PPP2R3B: variants seen among roughly 807,000 people sequenced by gnomAD.
The protein encoded by PPP2R3B is protein phosphatase 2 regulatory subunit B''beta.
In PPP2R3B, 68 loss-of-function variants were observed where a neutral mutation model predicts 72.9. The ratio of observed to expected loss-of-function variants is 0.93; its 90% CI spans 0.77 to 1.14. The LOEUF is 1.14. Ranked by LOEUF, PPP2R3B falls within the 50% of genes most tolerant of loss-of-function variation. The pLI is 0.00. For synonymous variants in PPP2R3B, 466 were observed against 375.8 expected (o/e 1.24, Z -2.78); for missense variants, 1,018 against 842.0 (o/e 1.21, Z -2.59).
At chrX:360,782 C>T (rs2071522215) in intron 2 of PPP2R3B, among the ~76,000 whole-genome samples, 1 of 152,234 alleles carries the variant, frequency 6.6e-6, no homozygotes, top group Non-Finnish European at 1.5e-5. Flanking sequence ...GGGGTCCAGA[C>T]ACGCATCTCT....
At chrX:361,941 T>G (rs1338089767) in intron 1 of PPP2R3B, among the ~76,000 whole-genome samples, 1 of 152,070 alleles carries the variant, frequency 6.6e-6, no homozygotes, top group African/African-American at 2.4e-5. Flanking sequence ...GCCACACCAC[T>G]GACCCCACCA....
intron 6 of PPP2R3B, 139 bp downstream of exon 6, chrX:346,035 C>T (rs866264298): frequency 4.1e-5 from 21 of 515,114 alleles, no homozygotes; most frequent in Non-Finnish European, 6.4e-5. Flanking sequence ...GCTGGGAGCG[C>T]GGTGGAGGTG....
rs779990036 is a variant in PPP2R3B, at chrX:334,434, G to A, written c.1661C>T (p.Pro554Leu). The change falls in exon 13 of 13, where the codon CCC becomes CTC. Residue 554 changes from proline to leucine, a missense_variant. By Grantham distance (98) the Pro-to-Leu change is moderately conservative. Coordinates refer to ENST00000390665, the MANE Select transcript of PPP2R3B (RefSeq NM_013239.5). Reference protein sequence around the residue: ...PLAQRPFFEAPSPLGAVDLYE... With the variant: ...PLAQRPFFEALSPLGAVDLYE... ...CAGGTCCACGGCGCCCAGCGGTGAGGGCGCCTCGAAGAAGGGCCTCTGGGC... is the reference window on the plus strand; with the variant it reads ...CAGGTCCACGGCGCCCAGCGGTGAGAGCGCCTCGAAGAAGGGCCTCTGGGC... The A allele has an allele frequency of 1.3e-6, 2 of 1,595,676 alleles. No homozygotes were observed. Among genetic ancestry groups the A allele is most frequent in the African/African-American group, 1.4e-5 (1 of 74,028 alleles).
intron 12 of PPP2R3B, 108 bp downstream of exon 12, chrX:338,496 C>A: frequency 8.6e-7 from 1 of 1,158,060 alleles, no homozygotes; most frequent in African/African-American, 1.6e-5. Context: ...CCTGACTGAC[C>A]CCGCATCCCC....
intron 1 of PPP2R3B, among the ~76,000 whole-genome samples, chrX:385,484 G>C (rs958862384): frequency 2.6e-5 from 4 of 151,752 alleles, no homozygotes; most frequent in African/African-American, 9.7e-5. Context: ...CACCTGCGGT[G>C]TATAATCACC....
chrX:360,935 G>T (rs1343241638), intron 2 of PPP2R3B, among the ~76,000 whole-genome samples: 3 of 152,108 alleles, frequency 2.0e-5, no homozygotes, highest in East Asian at 3.9e-4. Flanking sequence ...AGCACTCAGG[G>T]TGAGTCTAGA....
At chrX:369,669 T>C (rs1376945117) in intron 1 of PPP2R3B, among the ~76,000 whole-genome samples, 3 of 152,150 alleles carry the variant, frequency 2.0e-5, no homozygotes, top group African/African-American at 7.2e-5. Context: ...GACCCCCGCA[T>C]GTGCAGAGGG....
intron 2 of PPP2R3B, among the ~76,000 whole-genome samples, chrX:354,973 G>A (rs1176038898): frequency 6.6e-6 from 1 of 152,230 alleles, no homozygotes. Flanking sequence ...GCGGGAAGGG[G>A]CGTGCTCTCC....
rs2071890819 is a variant in PPP2R3B, at chrX:372,617, G to A, written c.325-11027C>T. On this transcript the variant is annotated intron_variant, in intron 1 of 12. Coordinates refer to ENST00000390665, the MANE Select transcript of PPP2R3B (RefSeq NM_013239.5). Reference sequence around the variant, plus strand: ...AACTAACTCATACAATATACACGGGGTACAGACACAAATTTTACTTCCCTG... The same window carrying A: ...AACTAACTCATACAATATACACGGGATACAGACACAAATTTTACTTCCCTG... Among the ~76,000 whole-genome samples the A allele has an allele frequency of 2.0e-5, 3 of 152,176 alleles. No individual in the cohort carries two copies. The South Asian group carries it at 6.2e-4, about 31-fold the overall frequency.
intron 2 of PPP2R3B, among the ~76,000 whole-genome samples, chrX:356,822 C>T (rs1206204692): frequency 1.2e-5 from 1 of 80,110 alleles, no homozygotes; most frequent in Non-Finnish European, 2.4e-5. Flanking sequence ...GCCAGCCACA[C>T]GGGAGCCCCA....
intron 1 of PPP2R3B, among the ~76,000 whole-genome samples, chrX:381,330 T>C (rs1031642319): frequency 2.6e-5 from 4 of 152,168 alleles, no homozygotes; most frequent in African/African-American, 9.7e-5. Flanking sequence ...TCAGTAACGA[T>C]GAAGGCGTAG....
At chrX:353,674 G>A (rs886198590) in intron 2 of PPP2R3B, among the ~76,000 whole-genome samples, 1 of 152,388 alleles carries the variant, frequency 6.6e-6, no homozygotes, top group Non-Finnish European at 1.5e-5. Flanking sequence ...CAACCCCTGC[G>A]AGGCCTGGCA....
chrX:341,482 G>A, intron 8 of PPP2R3B, 86 bp from the exon 9 acceptor site: 8 of 1,413,864 alleles, frequency 5.7e-6, no homozygotes, highest in African/African-American at 2.9e-5. Context: ...GCGCCTCGGT[G>A]AGGGGAGCCC....
In PPP2R3B at chrX:357,083, G is replaced by C. The variant is rs181165701; in HGVS notation, c.510+4322C>G. On this transcript the variant is annotated intron_variant, in intron 2 of 12. Transcript: ENST00000390665. ...TAAAGATGCTGCCAGGAAGAAGTTA[G>C]AAACCACAGACAAAATGCTCCAAGA... is the stretch of plus-strand genomic sequence containing the variant. Among the ~76,000 whole-genome samples, 5 of 152,322 alleles carry C rather than the reference G, an allele frequency of 3.3e-5. No homozygotes were observed. The East Asian group carries it at 9.6e-4, about 29-fold the overall frequency.
chrX:351,051 A>G (rs1461423915), intron 2 of PPP2R3B, among the ~76,000 whole-genome samples: 3 of 152,266 alleles, frequency 2.0e-5, no homozygotes, highest in Non-Finnish European at 4.4e-5. Flanking sequence ...TGCGCGCCAC[A>G]GCGGGGATTG....
chrX:360,927 C>T (rs1386804533), intron 2 of PPP2R3B, among the ~76,000 whole-genome samples: 1 of 152,182 alleles, frequency 6.6e-6, no homozygotes, highest in Non-Finnish European at 1.5e-5. Context: ...CGCGCCGCAG[C>T]ACTCAGGGTG....
intron 2 of PPP2R3B, among the ~76,000 whole-genome samples, chrX:357,281 G>C (rs1017507444): frequency 6.6e-6 from 1 of 152,174 alleles, no homozygotes; most frequent in Non-Finnish European, 1.5e-5. Context: ...ATACCCAGGT[G>C]TGTGCTTTAC....
intron 2 of PPP2R3B, among the ~76,000 whole-genome samples, chrX:349,480 G>A (rs1187604085): frequency 5.3e-5 from 8 of 152,184 alleles, no homozygotes; most frequent in African/African-American, 1.9e-4. Flanking sequence ...GGAACAAGAG[G>A]ACAGTGTCAC....
rs147748754 is a variant in PPP2R3B at position 355,858 on chromosome X, G to A, written c.510+5547C>T. 9.9e-3 allele frequency among the ~76,000 whole-genome samples: 1,515 copies of A among 152,366 alleles called. 33 individuals carry two copies. Among genetic ancestry groups the A allele is most frequent in the African/African-American group, 0.034 (1,427 of 41,586 alleles). ...AGCAGCAGAGAAAAGTCCAGCGCAC[G>A]TGCCCGCTCAAGCGCAAGGATGCAG... is the stretch of plus-strand genomic sequence containing the variant. On this transcript the variant is annotated intron_variant, in intron 2 of 12. Transcript: ENST00000390665.
Sources: gnomAD v4.1 joint callset for allele counts (sites outside exome capture counted in the v4.1 genomes callset) on GRCh38, gnomAD v4.1.1 for gene constraint, MANE v1.5 for transcripts, NCBI Gene and HGNC (gene_info 2026-07-23, HGNC 2026-07-21) for gene names.